The following RFT1 variants were observed in gnomAD, a reference collection of about 807,000 sequenced individuals.
RFT1 encodes RFT1 glycolipid translocator homolog.
In RFT1, 43 loss-of-function variants were observed where a neutral mutation model predicts 62.2. The observed-to-expected ratio is 0.69, with a 90% CI of 0.54 to 0.89. RFT1 has a LOEUF of 0.89. RFT1 is among the 40% of genes least tolerant of loss of function. The probability of loss-of-function intolerance (pLI) is 0.00; values close to 1 mark genes in which losing one functional copy is unlikely to be tolerated. For synonymous variants in RFT1, 262 were observed against 264.6 expected (o/e 0.99, Z 0.10); for missense variants, 605 against 649.9 (o/e 0.93, Z 0.75).
Position 53,099,413 on chromosome 3 carries a change from T to C in RFT1, c.1176A>G (p.Thr392=). ...LAINGVTECF[T]FAAMSKEEVD... ...CCTCCTCTTTGCTCATGGCAGCAAA[T>C]GTGAAACACTCTGTCACTCCATTGA... The change falls in exon 11 of 13, where the codon ACA becomes ACG. Residue 392 remains threonine (T), a synonymous_variant. Transcript: ENST00000296292. 3 of 1,614,094 alleles carry C rather than the reference T, an allele frequency of 1.9e-6. No individual in the cohort carries two copies. Among genetic ancestry groups the C allele is most frequent in the East Asian group, 4.5e-5 (2 of 44,872 alleles).
chr3:53,115,722 A>C (rs1170432221), intron 6 of RFT1, among the ~76,000 whole-genome samples: 1 of 152,192 alleles, frequency 6.6e-6, no homozygotes, highest in African/African-American at 2.4e-5. Context: ...CTGCCCACCC[A>C]TGTGTCAAAG....
At chr3:53,115,453 T>C (rs1038654359) in intron 6 of RFT1, among the ~76,000 whole-genome samples, 4 of 152,162 alleles carry the variant, frequency 2.6e-5, no homozygotes, top group Admixed American at 6.5e-5. Flanking sequence ...CCACTGCCCC[T>C]GAATTAAACC....
chr3:53,127,322 C>T (rs1223760627), intron 1 of RFT1, among the ~76,000 whole-genome samples: 2 of 152,114 alleles, frequency 1.3e-5, no homozygotes, highest in South Asian at 2.1e-4. Context: ...TCAATTTCCT[C>T]GGTCAAATGA....
chr3:53,076,499 T>C, the RFT1 span, among the ~76,000 whole-genome samples: 5 of 152,084 alleles, frequency 3.3e-5, no homozygotes, highest in Non-Finnish European at 4.4e-5. Context: ...AGAAAGGAAA[T>C]AGAATACTAC....
downstream of RFT1, among the ~76,000 whole-genome samples, chr3:53,086,883 C>T (rs992993443): frequency 2.6e-5 from 4 of 152,148 alleles, no homozygotes; most frequent in Non-Finnish European, 4.4e-5. Context: ...TAGCAAGCCC[C>T]CTGCACACCC....
chr3:53,100,733 T>C (rs940902672), intron 10 of RFT1, among the ~76,000 whole-genome samples: 2 of 152,226 alleles, frequency 1.3e-5, no homozygotes, highest in Admixed American at 6.5e-5. Flanking sequence ...TCCATGGTGA[T>C]AGAAATCAGA....
chr3:53,125,913 C>T lies in RFT1; in HGVS notation c.145G>A (p.Val49Ile), dbSNP rs1435313987. Reference sequence around the variant, plus strand: ...CCAGGGTGCATCTCCTCCTACCTTACATTTACTACGCCAACGATTTCCTTT... The same window carrying T: ...CCAGGGTGCATCTCCTCCTACCTTATATTTACTACGCCAACGATTTCCTTT... ...LSKEIVGVVNVRLTLLYSTTL... is the reference protein window; with the variant it reads ...LSKEIVGVVNIRLTLLYSTTL... Residue 49 changes from valine (V) to isoleucine (I), a missense_variant, in exon 2 of 13, where the codon GTA becomes ATA. Transcript: ENST00000296292. 6.2e-7 allele frequency: 1 copy of T among 1,613,238 alleles called. No homozygotes were observed. Among genetic ancestry groups the T allele is most frequent in the Admixed American group, 1.7e-5 (1 of 59,982 alleles).
chr3:53,109,622 C>A (rs1197348546), intron 7 of RFT1, among the ~76,000 whole-genome samples: 1 of 152,210 alleles, frequency 6.6e-6, no homozygotes, highest in Admixed American at 6.5e-5. Flanking sequence ...CCAGTCTGGG[C>A]AACATCACAA....
At chr3:53,103,414 T>TA in intron 10 of RFT1, 1 of 246,940 alleles carries the variant, frequency 4.0e-6, no homozygotes, top group East Asian at 1.8e-4. Context: ...GTTTCAAAAT[T>TA]AGACACATTC....
intron 6 of RFT1, among the ~76,000 whole-genome samples, chr3:53,119,244 A>C (rs1408152527): frequency 2.6e-5 from 4 of 151,980 alleles, no homozygotes; most frequent in Admixed American, 2.6e-4. Flanking sequence ...GTTCATCCCT[A>C]CTTTCTCAGA....
chr3:53,104,548 T>C (rs1487933313), intron 9 of RFT1, among the ~76,000 whole-genome samples: 4 of 152,216 alleles, frequency 2.6e-5, no homozygotes, highest in African/African-American at 7.2e-5. Flanking sequence ...TATTCTTAAA[T>C]GTGCAGCAAG....
At chr3:53,069,546 A>G in the RFT1 span, among the ~76,000 whole-genome samples, 1 of 152,220 alleles carries the variant, frequency 6.6e-6, no homozygotes, top group Non-Finnish European at 1.5e-5. Context: ...AGGGGGAAAA[A>G]GAAAAAAAAG....
intron 7 of RFT1, among the ~76,000 whole-genome samples, chr3:53,108,982 A>C (rs1701572291): frequency 6.6e-6 from 1 of 152,054 alleles, no homozygotes; most frequent in African/African-American, 2.4e-5. Flanking sequence ...ATGACTCTTT[A>C]ATGTTTGCAA....
At chr3:53,129,457 T>C (rs1702197768) in intron 1 of RFT1, among the ~76,000 whole-genome samples, 1 of 152,070 alleles carries the variant, frequency 6.6e-6, no homozygotes, top group Admixed American at 6.6e-5. Context: ...CCCATTCTGC[T>C]TGGTTCTTTC....
chr3:53,092,383 T>C lies in RFT1; in HGVS notation c.1444A>G (p.Thr482Ala), dbSNP rs766713714. Residue 482 changes from threonine to alanine, a missense_variant, in exon 12 of 13, where the codon ACT (threonine) becomes GCT (alanine). Coordinates refer to ENST00000296292, the MANE Select transcript of RFT1 (RefSeq NM_052859.4). ...LGTFALSGGV[T>A]AVSEVFLCCE... Reference sequence around the variant, plus strand: ...GGGAGTCTCACCTCCGAAACAGCAGTAACCCCACCACTGAGGGCAAATGTC... The same window carrying C: ...GGGAGTCTCACCTCCGAAACAGCAGCAACCCCACCACTGAGGGCAAATGTC... 1.2e-6 allele frequency: 2 copies of C among 1,602,484 alleles called. No homozygotes were observed. Among genetic ancestry groups the C allele is most frequent in the South Asian group, 1.1e-5 (1 of 88,820 alleles).
chr3:53,074,285 T>G, the RFT1 span, among the ~76,000 whole-genome samples: 1 of 152,182 alleles, frequency 6.6e-6, no homozygotes, highest in Non-Finnish European at 1.5e-5. Context: ...TCTCTTTCAT[T>G]TCTTCTGCTC....
chr3:53,122,521 G>C lies in RFT1; in HGVS notation c.309C>G (p.Ile103Met). The change falls in exon 4 of 13, where the codon ATC (isoleucine) becomes ATG (methionine). Residue 103 changes from isoleucine (I) to methionine (M), a missense_variant. Coordinates refer to ENST00000296292, the MANE Select transcript of RFT1 (RefSeq NM_052859.4). ...GVFWSLFLGW[I>M]WLQLLEVPDP... ...CAGGCACTTCAAGCAGCTGCAACCA[G>C]ATCCAGCCCAGGAATAAGGACCAAA... The C allele has an allele frequency of 6.2e-7, 1 of 1,613,508 alleles. No individual in the cohort carries two copies. Among genetic ancestry groups the C allele is most frequent in the Non-Finnish European group, 8.5e-7 (1 of 1,179,714 alleles).
chr3:53,119,296 A>T (rs1430461820), intron 6 of RFT1, among the ~76,000 whole-genome samples: 6 of 152,196 alleles, frequency 3.9e-5, no homozygotes, highest in Non-Finnish European at 7.3e-5. Context: ...GAAGAAAACC[A>T]AAACCACAGC....
intron 7 of RFT1, among the ~76,000 whole-genome samples, chr3:53,111,202 G>A (rs1034827800): frequency 1.3e-5 from 2 of 151,950 alleles, no homozygotes; most frequent in Admixed American, 6.6e-5. Context: ...TCAGGAGATC[G>A]AGACCATCCT....
Sources: gnomAD v4.1 joint callset for allele counts (sites outside exome capture counted in the v4.1 genomes callset) on GRCh38, gnomAD v4.1.1 for gene constraint, MANE v1.5 for transcripts, NCBI Gene and HGNC (gene_info 2026-07-23, HGNC 2026-07-21) for gene names.